ENO4: variants seen among roughly 807,000 people sequenced by gnomAD.
The protein encoded by ENO4 is 2-phospho-D-glycerate hydro-lyase.
ENO4 carries 53 observed loss-of-function variants against 63.2 expected under a neutral mutation model. That is an observed-to-expected ratio of 0.84 (90% confidence interval 0.67 to 1.05). The LOEUF is 1.05. ENO4 is among the 50% of genes least tolerant of loss of function. ENO4 has a pLI of 0.00. For synonymous variants in ENO4, 266 were observed against 283.8 expected, an observed-to-expected ratio of 0.94 and a Z score of 0.63; for missense variants, 719 against 772.0, an observed-to-expected ratio of 0.93 and a Z score of 0.81.
rs1490634758 is a variant in ENO4 at position 116,868,679 on chromosome 10, A to G, written c.1020A>G (p.Lys340=). Residue 340 remains lysine (K), a synonymous_variant, in exon 8 of 14, where the codon AAA becomes AAG. Coordinates refer to ENST00000341276, the MANE Select transcript of ENO4 (RefSeq NM_001242699.2). Reference sequence around the variant, plus strand: ...CTCCTCCAAAAGCAGAGACAAAAAAAGGGCACGATGGAAGCAAAAGAGGTC... The same window carrying G: ...CTCCTCCAAAAGCAGAGACAAAAAAGGGGCACGATGGAAGCAAAAGAGGTC... ...MPSPPKAETK[K]GHDGSKRGQQ... 6.4e-7 allele frequency: 1 copy of G among 1,550,572 alleles called. No homozygotes were observed. Among genetic ancestry groups the G allele is most frequent in the Non-Finnish European group, 8.7e-7 (1 of 1,146,976 alleles).
chr10:116,868,327 A>G (rs1846598057), intron 7 of ENO4, among the ~76,000 whole-genome samples: 1 of 152,252 alleles, frequency 6.6e-6, no homozygotes, highest in Non-Finnish European at 1.5e-5. Flanking sequence ...GCAGGAGTTC[A>G]TGATATATGT....
At chr10:116,878,651 G>A (rs1003526427) in intron 11 of ENO4, among the ~76,000 whole-genome samples, 34 of 151,574 alleles carry the variant, frequency 2.2e-4, no homozygotes, top group Non-Finnish European at 4.1e-4. Flanking sequence ...TCTTATAGCC[G>A]CGGTCTTAGA....
At chr10:116,871,359 AAAAAAGAGCTTATCTG>A in intron 9 of ENO4, 67 bp downstream of exon 9, 1 of 1,323,186 alleles carries the variant, frequency 7.6e-7, no homozygotes, top group Non-Finnish European at 1.0e-6. Flanking sequence ...GAACTCAGAA[AAAAAAGAGCTTATCTG>A]AATATTGTCC....
intron 4 of ENO4, among the ~76,000 whole-genome samples, chr10:116,859,926 C>T (rs1334212996): frequency 6.6e-6 from 1 of 152,002 alleles, no homozygotes; most frequent in East Asian, 1.9e-4. Context: ...AGAGATTTGC[C>T]CCGAGACAAA....
chr10:116,866,130 T>G (rs1846542059), intron 7 of ENO4, among the ~76,000 whole-genome samples: 1 of 152,220 alleles, frequency 6.6e-6, no homozygotes, highest in Admixed American at 6.5e-5. Flanking sequence ...ATATGTTTTC[T>G]TCAAACACTT....
Position 116,857,691 on chromosome 10 carries a change from T to G in ENO4, c.485+1009T>G, listed in dbSNP as rs138127890. Among the ~76,000 whole-genome samples, 1,061 of 151,000 alleles carry G rather than the reference T, an allele frequency of 7.0e-3. 6 individuals are homozygous for G. The highest frequency in any genetic ancestry group is 0.048 in the Middle Eastern group (14 of 290). The stretch of plus-strand genomic sequence containing the variant: ...TCTTCCTCTGTCACCCAGGCTGGAG[T>G]GCAGTGGCATGATCTCGGCTCACCA... On this transcript the variant is annotated intron_variant, in intron 3 of 13. Transcript: ENST00000341276.
chr10:116,870,261 G>C lies in ENO4; in HGVS notation c.1048-864G>C, dbSNP rs555881527. 1.7e-3 allele frequency among the ~76,000 whole-genome samples: 256 copies of C among 152,256 alleles called. 1 individual carries two copies. Among genetic ancestry groups the C allele is most frequent in the African/African-American group, 5.8e-3 (240 of 41,546 alleles). ...TTGCATAGTGGCAATTTATGGCGAG[G>C]GCACATCAAGGCTGACTTTGCAGTA... On this transcript the variant is annotated intron_variant, in intron 8 of 13. Coordinates refer to ENST00000341276, the MANE Select transcript of ENO4 (RefSeq NM_001242699.2).
intron 9 of ENO4, 64 bp downstream of exon 9, chr10:116,871,356 G>T: frequency 7.6e-7 from 1 of 1,322,920 alleles, no homozygotes. Context: ...TTAGAACTCA[G>T]AAAAAAAAGA....
At chr10:116,854,363 G>A (rs1243566695) in intron 1 of ENO4, among the ~76,000 whole-genome samples, 1 of 151,546 alleles carries the variant, frequency 6.6e-6, no homozygotes, top group East Asian at 2.0e-4. Flanking sequence ...TTTGAAACTA[G>A]CCTGGCCAAC....
At chr10:116,872,954 G>A in intron 9 of ENO4, among the ~76,000 whole-genome samples, 1 of 151,916 alleles carries the variant, frequency 6.6e-6, no homozygotes, top group East Asian at 1.9e-4. Flanking sequence ...TTCACATAAT[G>A]ATTGGTTCCT....
intron 3 of ENO4, among the ~76,000 whole-genome samples, chr10:116,858,202 C>T (rs1382819947): frequency 6.6e-6 from 1 of 152,116 alleles, no homozygotes; most frequent in East Asian, 1.9e-4. Flanking sequence ...TTGGAACCCA[C>T]ATTCTTTTCT....
intron 10 of ENO4, chr10:116,900,611 C>T: frequency 6.5e-7 from 1 of 1,527,794 alleles, no homozygotes; most frequent in Non-Finnish European, 8.8e-7. Context: ...TAACTTGTCT[C>T]AGCCAAATTG....
downstream of ENO4, chr10:116,885,470 C>T (rs1480899445): frequency 1.3e-5 from 2 of 152,328 alleles, no homozygotes; most frequent in African/African-American, 2.4e-5. Flanking sequence ...CAACAACAAA[C>T]CTGTGTAATA....
chr10:116,896,777 A>G (rs912263997), intron 10 of ENO4, among the ~76,000 whole-genome samples: 126 of 143,844 alleles, frequency 8.8e-4, no homozygotes, highest in South Asian at 4.5e-4. Context: ...AGACTGCCCA[A>G]TTTATTTTCT....
chr10:116,904,263 C>T (rs1464533991), intron 10 of ENO4, among the ~76,000 whole-genome samples: 1 of 152,210 alleles, frequency 6.6e-6, no homozygotes, highest in Non-Finnish European at 1.5e-5. Context: ...TGCAGCTTTA[C>T]TTTCTTGCTT....
chr10:116,900,689 T>C, intron 10 of ENO4: 1 of 1,461,016 alleles, frequency 6.8e-7, no homozygotes, highest in African/African-American at 1.4e-5. Flanking sequence ...TTAAACAAAT[T>C]TAATAGGAAA....
intron 13 of ENO4, among the ~76,000 whole-genome samples, chr10:116,880,377 G>C (rs930582432): frequency 3.9e-5 from 6 of 152,170 alleles, no homozygotes; most frequent in Admixed American, 3.9e-4. Context: ...AAAACAAGTA[G>C]GCAGCGTGTT....
chr10:116,873,605 A>G (rs1043027585), intron 9 of ENO4, among the ~76,000 whole-genome samples: 1 of 152,242 alleles, frequency 6.6e-6, no homozygotes, highest in African/African-American at 2.4e-5. Context: ...GGTTGTTAGT[A>G]TATCAAAAGC....
intron 11 of ENO4, among the ~76,000 whole-genome samples, chr10:116,878,170 C>A (rs1846889325): frequency 6.6e-6 from 1 of 152,222 alleles, no homozygotes; most frequent in Non-Finnish European, 1.5e-5. Flanking sequence ...AAACTGAGTT[C>A]ATGGGCATCT....
Sources: gnomAD v4.1 joint callset for allele counts (sites outside exome capture counted in the v4.1 genomes callset) on GRCh38, gnomAD v4.1.1 for gene constraint, MANE v1.5 for transcripts, NCBI Gene and HGNC (gene_info 2026-07-23, HGNC 2026-07-21) for gene names.